Variants in ADGRE3 observed in about 807,000 individuals in gnomAD.
The protein encoded by ADGRE3 is EGF-like module receptor 3.
Under a neutral mutation model 80.1 loss-of-function variants are expected in ADGRE3, and 88 were observed. That is an observed-to-expected ratio of 1.10 (90% CI 0.93 to 1.31). The LOEUF is 1.31. Ranked by LOEUF, ADGRE3 falls within the 40% of genes most tolerant of loss-of-function variation. ADGRE3 has a pLI of 0.00. For synonymous variants in ADGRE3, 281 were observed against 294.8 expected (o/e 0.95, Z 0.48); for missense variants, 715 against 776.5 (o/e 0.92, Z 0.94).
rs139751044 is a variant in ADGRE3 at position 14,641,543 on chromosome 19, G to T, written c.1124C>A (p.Ala375Asp). Residue 375 changes from alanine (A) to aspartate (D), a missense_variant, in exon 10 of 16, where the codon GCC (alanine) becomes GAC (aspartate). Coordinates refer to ENST00000253673, the MANE Select transcript of ADGRE3 (RefSeq NM_032571.5). ...GGCTTTACACAGGAGAAAAGTGAGG[G>T]CCGCCAGGAGGAGGCACAGCAGAGA... ...SVSLLCLLLA[A>D]LTFLLCKAIR... The T allele has an allele frequency of 2.5e-6, 4 of 1,613,730 alleles. No individual in the cohort carries two copies. In the African/African-American group the frequency reaches 5.3e-5, roughly 22 times the overall value.
chr19:14,614,446 CA>C (rs1183523616), downstream of ADGRE3, among the ~76,000 whole-genome samples: 2 of 152,104 alleles, frequency 1.3e-5, no homozygotes, highest in African/African-American at 4.8e-5. Flanking sequence ...ACTTTAGGTC[CA>C]GGGGAGCAAC....
chr19:14,646,618 C>T (rs1248274225), intron 8 of ADGRE3, among the ~76,000 whole-genome samples: 2 of 140,194 alleles, frequency 1.4e-5, no homozygotes, highest in Admixed American at 7.4e-5. Context: ...TGGTGTTTGA[C>T]ATTGGTTTGG....
the ADGRE3 span, among the ~76,000 whole-genome samples, chr19:14,607,393 C>CG: frequency 6.6e-6 from 1 of 151,302 alleles, no homozygotes; most frequent in South Asian, 2.1e-4. Context: ...TTAGTAGAGA[C>CG]GGGGTTTCAC....
chr19:14,652,375 G>A (rs530511191), intron 6 of ADGRE3, among the ~76,000 whole-genome samples: 17 of 152,050 alleles, frequency 1.1e-4, no homozygotes, highest in Middle Eastern at 3.4e-3. Context: ...GATGGAAATC[G>A]TTGAATTGGG....
At chr19:14,626,157 C>T (rs1970734015) in intron 14 of ADGRE3, among the ~76,000 whole-genome samples, 1 of 152,060 alleles carries the variant, frequency 6.6e-6, no homozygotes, top group Non-Finnish European at 1.5e-5. Context: ...AAATTTATGG[C>T]CAGGTGTGGT....
intron 9 of ADGRE3, among the ~76,000 whole-genome samples, chr19:14,642,857 T>C (rs1971290432): frequency 6.6e-6 from 1 of 152,234 alleles, no homozygotes; most frequent in African/African-American, 2.4e-5. Context: ...TGATTCTATG[T>C]CTCTGCTATT....
At chr19:14,635,069 C>T (rs1402161144) in intron 11 of ADGRE3, among the ~76,000 whole-genome samples, 2 of 151,988 alleles carry the variant, frequency 1.3e-5, no homozygotes, top group East Asian at 1.9e-4. Flanking sequence ...TGGTGTAGAG[C>T]CACATTCCTC....
chr19:14,635,514 T>C (rs1971013579), intron 11 of ADGRE3, among the ~76,000 whole-genome samples: 1 of 151,082 alleles, frequency 6.6e-6, no homozygotes, highest in Admixed American at 6.6e-5. Flanking sequence ...CGGGTTCAAG[T>C]GATTCTCCTG....
chr19:14,607,162 G>T, the ADGRE3 span: 1 of 740,906 alleles, frequency 1.3e-6, no homozygotes, highest in Admixed American at 4.1e-5. Flanking sequence ...ACCATGGGGA[G>T]GGGAGAAGGT....
rs1046074063 is a variant in ADGRE3 at position 14,665,056 on chromosome 19, T to C, written c.77-1516A>G. ...CAGCTTCACATGTGGAGCAACCTCATTTTTTTTTTTTTTTTTTTTTTTTTT... is the reference window on the plus strand; with the variant it reads ...CAGCTTCACATGTGGAGCAACCTCACTTTTTTTTTTTTTTTTTTTTTTTTT... On this transcript the variant is annotated intron_variant, in intron 2 of 15. Transcript: ENST00000253673. Among the ~76,000 whole-genome samples the C allele has an allele frequency of 9.7e-5, 8 of 82,330 alleles. No individual in the cohort carries two copies. In the East Asian group the frequency reaches 2.8e-3, roughly 29 times the overall value. 54.0% of individuals were successfully genotyped at this position (82,330 alleles called of 152,430 possible).
chr19:14,663,566 A>G, intron 2 of ADGRE3, 26 bp from the exon 3 acceptor site: 1 of 1,605,132 alleles, frequency 6.2e-7, no homozygotes, highest in East Asian at 2.2e-5. Context: ...AGGCAGGTTA[A>G]ATGGACTGGG....
At chr19:14,610,310 A>G in the ADGRE3 span, 1 of 1,428,442 alleles carries the variant, frequency 7.0e-7, no homozygotes, top group African/African-American at 1.4e-5. Flanking sequence ...ATGTGCCTCA[A>G]ACAGGATTGG....
chr19:14,610,774 G>T, the ADGRE3 span: 403 of 152,634 alleles, frequency 2.6e-3, 3 homozygotes, highest in African/African-American at 9.2e-3. Flanking sequence ...TCCTACTTGG[G>T]CTTCCCAAAT....
At chr19:14,640,263 G>A (rs985636483) in intron 10 of ADGRE3, among the ~76,000 whole-genome samples, 5 of 152,106 alleles carry the variant, frequency 3.3e-5, no homozygotes, top group Admixed American at 6.6e-5. Context: ...CCTTGCTATG[G>A]GGGGGACAAA....
At chr19:14,630,539 G>T (rs1006316635) in intron 13 of ADGRE3, among the ~76,000 whole-genome samples, 1 of 151,992 alleles carries the variant, frequency 6.6e-6, no homozygotes, top group African/African-American at 2.4e-5. Flanking sequence ...CTCCCCAGTA[G>T]CTGGGACTAA....
rs771009229 is a variant in ADGRE3, at chr19:14,638,344, G to A, written c.1249-4C>T. 9.9e-6 allele frequency: 16 copies of A among 1,612,282 alleles called. No homozygotes were observed. Among genetic ancestry groups the A allele is most frequent in the Non-Finnish European group, 1.3e-5 (15 of 1,178,412 alleles). On this transcript the variant is annotated splice_polypyrimidine_tract_variant and splice_region_variant and intron_variant, in intron 10 of 15. Coordinates refer to ENST00000253673, the MANE Select transcript of ADGRE3 (RefSeq NM_032571.5). ...CGGCGATGATGGAGCACAGCACCTGGGGGAGGAGAAAGGGATGCCTGAAGG... is the reference window on the plus strand; with the variant it reads ...CGGCGATGATGGAGCACAGCACCTGAGGGAGGAGAAAGGGATGCCTGAAGG...
chr19:14,607,089 CCT>C, the ADGRE3 span: 1 of 1,308,782 alleles, frequency 7.6e-7, no homozygotes, highest in Non-Finnish European at 9.8e-7. Flanking sequence ...GGATGGGTCT[CCT>C]GTGACATTAA....
intron 8 of ADGRE3, 44 bp downstream of exon 8, chr19:14,647,137 G>A (rs1316858309): frequency 1.3e-6 from 2 of 1,538,602 alleles, no homozygotes; most frequent in South Asian, 1.1e-5. Flanking sequence ...CGTTTGGCCT[G>A]CCTCCTTGAG....
chr19:14,644,804 C>T (rs1156845147), intron 8 of ADGRE3, among the ~76,000 whole-genome samples: 2 of 152,196 alleles, frequency 1.3e-5, no homozygotes, highest in African/African-American at 2.4e-5. Flanking sequence ...CAGCTCACTG[C>T]CACCTTGACC....
Sources: gnomAD v4.1 joint callset for allele counts (sites outside exome capture counted in the v4.1 genomes callset) on GRCh38, gnomAD v4.1.1 for gene constraint, MANE v1.5 for transcripts, NCBI Gene and HGNC (gene_info 2026-07-23, HGNC 2026-07-21) for gene names.